The following ZRANB2 variants were observed in gnomAD, a reference collection of about 807,000 sequenced individuals.
ZRANB2 encodes zinc finger Ran-binding domain-containing protein 2.
A neutral mutation model predicts 53.4 loss-of-function variants in ZRANB2; 19 were observed. That is an observed-to-expected ratio of 0.36 (90% CI 0.25 to 0.52). ZRANB2 has a LOEUF of 0.52. ZRANB2 is among the 20% of genes least tolerant of loss of function. ZRANB2 has a pLI of 0.93. For missense variants in ZRANB2, 309 were observed against 401.1 expected (o/e 0.77, Z 1.96); for synonymous variants, 145 against 134.8 (o/e 1.08, Z -0.52).
At chr1:71,077,226 G>A (rs1661729376) in intron 3 of ZRANB2, among the ~76,000 whole-genome samples, 1 of 152,156 alleles carries the variant, frequency 6.6e-6, no homozygotes. Flanking sequence ...GAGAGGACAT[G>A]ACACTCAACA....
intron 4 of ZRANB2, among the ~76,000 whole-genome samples, chr1:71,074,732 T>C (rs1661670098): frequency 8.5e-6 from 1 of 117,940 alleles, no homozygotes; most frequent in Non-Finnish European, 1.8e-5. Flanking sequence ...TACTGAACAA[T>C]TTGATGGAAT....
Position 71,066,808 on chromosome 1 carries a change from T to G in ZRANB2, c.897A>C (p.Lys299Asn), listed in dbSNP as rs760583528. 15 of 1,612,538 alleles carry G rather than the reference T, an allele frequency of 9.3e-6. No individual in the cohort carries two copies. The highest frequency in any genetic ancestry group is 1.2e-5 in the Non-Finnish European group (14 of 1,179,502). Residue 299 changes from lysine (K) to asparagine (N), a missense_variant, in exon 9 of 10, where the codon AAA (lysine) becomes AAC (asparagine). Around this residue, in one of 3 missense-constraint regions of ZRANB2, gnomAD observed 211 missense variants for 196.1 expected, o/e 1.08. Coordinates refer to ENST00000370920, the MANE Select transcript of ZRANB2 (RefSeq NM_203350.3). ...GTGACCGTGATCTTGTTCGTCTTTT[T>G]TTGCGATCACCAGATGAAGAAGATC... Reference protein sequence around the residue: ...RSRSSSSGDRKKRRTRSRSPE... With the variant: ...RSRSSSSGDRNKRRTRSRSPE...
intron 8 of ZRANB2, chr1:71,067,345 TAA>T (rs1364666470): frequency 1.0e-5 from 2 of 195,274 alleles, no homozygotes; most frequent in African/African-American, 4.8e-5. Flanking sequence ...CTGAGGAAAA[TAA>T]ACATAATTCC....
intron 9 of ZRANB2, 121 bp downstream of exon 9, chr1:71,066,655 T>G (rs992733505): frequency 3.7e-5 from 39 of 1,058,152 alleles, no homozygotes; most frequent in Non-Finnish European, 4.9e-5. Flanking sequence ...AAGTTCAAAG[T>G]TGAAAAGTAG....
At chr1:71,067,276 C>T (rs956743453) in intron 8 of ZRANB2, 5 of 178,726 alleles carry the variant, frequency 2.8e-5, no homozygotes, top group South Asian at 2.7e-4. Context: ...CAGGACTTTA[C>T]GTTTAGGAAC....
In ZRANB2 at chr1:71,064,810, C is replaced by T. The variant is rs562573141; in HGVS notation, c.*264G>A. On this transcript the variant is annotated 3_prime_UTR_variant, in exon 10 of 10. Coordinates refer to ENST00000370920, the MANE Select transcript of ZRANB2 (RefSeq NM_203350.3). Reference sequence around the variant, plus strand: ...TGGGTTTAAATTAGGAAGCAAAGTACTTTGTTATAGCTGAAATGGTTTTAA... The same window carrying T: ...TGGGTTTAAATTAGGAAGCAAAGTATTTTGTTATAGCTGAAATGGTTTTAA... The T allele has an allele frequency of 3.3e-4, 94 of 286,164 alleles. No individual in the cohort carries two copies. The highest frequency in any genetic ancestry group is 2.0e-3 in the African/African-American group (91 of 45,644). 17.7% of individuals were successfully genotyped at this position (286,164 alleles called of 1,614,324 possible).
Position 71,072,249 on chromosome 1 carries a change from G to A in ZRANB2, c.385C>T (p.Arg129Cys), listed in dbSNP as rs1244163716. 3 of 1,605,932 alleles carry A rather than the reference G, an allele frequency of 1.9e-6. No homozygotes were observed. The highest frequency in any genetic ancestry group is 2.5e-6 in the Non-Finnish European group (3 of 1,177,598). The change falls in exon 6 of 10, where the codon CGT becomes TGT. Residue 129 changes from arginine to cysteine, a missense_variant. This residue lies in a region of ZRANB2 where 74 missense variants were observed against 180.1 expected (regional missense o/e 0.41). Coordinates refer to ENST00000370920, the MANE Select transcript of ZRANB2 (RefSeq NM_203350.3). ...ESDGEYDEFG[R>C]KKKKYRGKAV... ...TTCCCTCTGTATTTTTTCTTTTTAC[G>A]TCCAAACTAGAGAAAAACAATTTCA...
In ZRANB2 at chr1:71,069,369, C is replaced by A; in HGVS notation, c.684-7G>T. The A allele has an allele frequency of 6.2e-7, 1 of 1,610,680 alleles. No individual in the cohort carries two copies. Among genetic ancestry groups the A allele is most frequent in the Non-Finnish European group, 8.5e-7 (1 of 1,178,238 alleles). On this transcript the variant is annotated splice_polypyrimidine_tract_variant and splice_region_variant and intron_variant, in intron 7 of 9. Transcript: ENST00000370920. ...AGAACTTCTTGAACGGGACCTGGAA[C>A]AACATGGAACGATTTTTTTTTTCCA...
In ZRANB2 at chr1:71,070,783, A is replaced by G. The variant is rs746808736; in HGVS notation, c.683+44T>C. ...AAATTTATAAATAAAAAAGTTAGATACTGACATTTTGACTGGTGTTACCCT... is the reference window on the plus strand; with the variant it reads ...AAATTTATAAATAAAAAAGTTAGATGCTGACATTTTGACTGGTGTTACCCT... On this transcript the variant is annotated intron_variant, in intron 7 of 9. Transcript: ENST00000370920. The G allele has an allele frequency of 3.5e-6, 4 of 1,155,038 alleles. No homozygotes were observed. The Admixed American group carries it at 8.2e-5, about 24-fold the overall frequency. The allele number at this position is 1,155,038 out of a possible 1,614,324, so 71.5% of individuals were successfully genotyped here.
chr1:71,080,702 A>G (rs1214933361), intron 1 of ZRANB2, among the ~76,000 whole-genome samples: 1 of 151,932 alleles, frequency 6.6e-6, no homozygotes, highest in Non-Finnish European at 1.5e-5. Context: ...CTAAAAAGAG[A>G]GGCTACCTTG....
chr1:71,066,726 T>C, intron 9 of ZRANB2, 50 bp downstream of exon 9: 1 of 1,558,538 alleles, frequency 6.4e-7, no homozygotes, highest in South Asian at 1.3e-5. Context: ...TTACTTTATC[T>C]ATTAAACACA....
chr1:71,076,888 G>C lies in ZRANB2; in HGVS notation c.219-11C>G. On this transcript the variant is annotated splice_polypyrimidine_tract_variant and intron_variant, in intron 3 of 9. Transcript: ENST00000370920. ...TTCACATTGCTGCAACTTTAGAAGTGAAAAATACTAAATTAGTAGGCTATA... is the reference window on the plus strand; with the variant it reads ...TTCACATTGCTGCAACTTTAGAAGTCAAAAATACTAAATTAGTAGGCTATA... The C allele has an allele frequency of 6.3e-7, 1 of 1,593,748 alleles. No homozygotes were observed. Among genetic ancestry groups the C allele is most frequent in the Non-Finnish European group, 8.6e-7 (1 of 1,163,748 alleles).
chr1:71,075,286 T>C (rs574594024), intron 4 of ZRANB2, among the ~76,000 whole-genome samples: 2 of 152,098 alleles, frequency 1.3e-5, no homozygotes, highest in African/African-American at 2.4e-5. Flanking sequence ...ATGGGAGATA[T>C]CAAGAAAGGG....
At chr1:71,069,156 T>C (rs552220088) in intron 8 of ZRANB2, 120 bp downstream of exon 8, 1 of 737,160 alleles carries the variant, frequency 1.4e-6, no homozygotes, top group East Asian at 2.8e-5. Flanking sequence ...GCATTAGTTT[T>C]CTAATGCTAA....
At chr1:71,077,513 T>G (rs1421646871) in intron 3 of ZRANB2, among the ~76,000 whole-genome samples, 1 of 152,162 alleles carries the variant, frequency 6.6e-6, no homozygotes, top group African/African-American at 2.4e-5. Flanking sequence ...AGCTGGAAAC[T>G]TTTCCAATAC....
intron 4 of ZRANB2, among the ~76,000 whole-genome samples, chr1:71,073,900 C>T (rs1357963954): frequency 6.6e-6 from 1 of 152,058 alleles, no homozygotes; most frequent in African/African-American, 2.4e-5. Flanking sequence ...AATACACTAG[C>T]TCCCTATCGT....
chr1:71,065,573 A>G, intron 9 of ZRANB2: 2 of 1,440,502 alleles, frequency 1.4e-6, no homozygotes, highest in Non-Finnish European at 1.8e-6. Context: ...TGTATGAGAA[A>G]ATATACTCAT....
chr1:71,065,731 A>C (rs1204581892), intron 9 of ZRANB2: 1 of 1,612,662 alleles, frequency 6.2e-7, no homozygotes. Flanking sequence ...AGGGTTGTTT[A>C]GTGTTTTCAC....
intron 9 of ZRANB2, chr1:71,065,882 A>AT (rs984581141): frequency 1.8e-4 from 250 of 1,368,666 alleles, no homozygotes; most frequent in East Asian, 2.4e-4. Context: ...AAACAGAGTA[A>AT]TTTTTTTTAC....
Sources: allele counts gnomAD v4.1 joint callset (sites outside exome capture counted in the v4.1 genomes callset), GRCh38; gene constraint gnomAD v4.1.1; regional missense constraint gnomAD v4.1.1; transcripts MANE v1.5; gene names NCBI Gene and HGNC (gene_info 2026-07-23, HGNC 2026-07-21).